The following KCNC2 variants were observed in gnomAD, a reference collection of about 807,000 sequenced individuals.
The protein encoded by KCNC2 is potassium voltage-gated channel subfamily C member 2.
KCNC2 carries 21 observed loss-of-function variants against 44.5 expected under a neutral mutation model. The observed-to-expected ratio is 0.47, with a 90% CI of 0.33 to 0.68. The LOEUF (loss-of-function observed/expected upper bound fraction) is 0.68, where lower values mean the gene tolerates loss of function less well. Ranked by LOEUF, KCNC2 falls within the 30% of genes least tolerant of loss-of-function variation. KCNC2 has a pLI of 0.01. For missense variants in KCNC2, 589 were observed against 826.2 expected (o/e 0.71, Z 3.52); for synonymous variants, 391 against 339.1 (o/e 1.15, Z -1.68).
chr12:75,148,414 C>T (rs73187109), intron 2 of KCNC2, among the ~76,000 whole-genome samples: 8,212 of 152,006 alleles, frequency 0.054, 325 homozygotes, highest in Non-Finnish European at 0.082. Context: ...ATCTAAGCAT[C>T]CTTAGGTCAG....
intron 2 of KCNC2, among the ~76,000 whole-genome samples, chr12:75,110,733 T>G (rs1417559149): frequency 6.6e-6 from 1 of 152,058 alleles, no homozygotes; most frequent in African/African-American, 2.4e-5. Flanking sequence ...TGTATTTAAT[T>G]ATAAAATACT....
intron 2 of KCNC2, among the ~76,000 whole-genome samples, chr12:75,131,326 T>C (rs1453341655): frequency 1.3e-5 from 2 of 152,164 alleles, no homozygotes; most frequent in African/African-American, 4.8e-5. Flanking sequence ...TATTTATTCC[T>C]TACACTTAGC....
At chr12:75,150,882 A>G (rs1189833596) in intron 2 of KCNC2, among the ~76,000 whole-genome samples, 3 of 151,940 alleles carry the variant, frequency 2.0e-5, no homozygotes, top group Admixed American at 1.3e-4. Context: ...TGTAAAACGT[A>G]ACCTTCAAAA....
At chr12:75,200,564 G>A (rs1003911459) in intron 2 of KCNC2, among the ~76,000 whole-genome samples, 7 of 151,462 alleles carry the variant, frequency 4.6e-5, no homozygotes, top group Non-Finnish European at 1.0e-4. Flanking sequence ...CTGAGTATGT[G>A]TCTGTATTAC....
At chr12:75,087,988 C>A (rs1197884990) in intron 2 of KCNC2, among the ~76,000 whole-genome samples, 3 of 118,304 alleles carry the variant, frequency 2.5e-5, no homozygotes, top group African/African-American at 4.6e-5. Context: ...CAATGGATAT[C>A]AGTTATGGAA....
chr12:75,198,838 G>A (rs2030997206), intron 2 of KCNC2, among the ~76,000 whole-genome samples: 2 of 151,662 alleles, frequency 1.3e-5, no homozygotes, highest in South Asian at 4.2e-4. Context: ...CCTTCTCATG[G>A]AGCACAAAAT....
chr12:75,132,004 G>C (rs1888883354), intron 2 of KCNC2, among the ~76,000 whole-genome samples: 1 of 152,132 alleles, frequency 6.6e-6, no homozygotes, highest in African/African-American at 2.4e-5. Context: ...AAAACTAATG[G>C]AGAAGCCTTG....
At chr12:75,145,354 A>G (rs925811602) in intron 2 of KCNC2, among the ~76,000 whole-genome samples, 5 of 151,860 alleles carry the variant, frequency 3.3e-5, no homozygotes, top group South Asian at 2.1e-4. Context: ...GATTTCTAAC[A>G]CTCTATGAAT....
chr12:75,181,097 G>A (rs1892541239), intron 2 of KCNC2, among the ~76,000 whole-genome samples: 5 of 151,990 alleles, frequency 3.3e-5, no homozygotes. Context: ...AGAAAAGTAA[G>A]AAGCTTGACA....
intron 2 of KCNC2, among the ~76,000 whole-genome samples, chr12:75,063,539 A>G (rs188089840): frequency 5.9e-5 from 9 of 152,184 alleles, no homozygotes; most frequent in Admixed American, 5.2e-4. Context: ...ATGTCCAGAA[A>G]TGAGAGAAGC....
chr12:75,187,083 C>T (rs1290989548), intron 2 of KCNC2, among the ~76,000 whole-genome samples: 4 of 152,092 alleles, frequency 2.6e-5, no homozygotes, highest in Admixed American at 2.0e-4. Flanking sequence ...CAGTACTTTA[C>T]CAAAGGTATT....
At position 75,050,982 on chromosome 12, in the gene KCNC2, T is replaced by C; in HGVS notation, c.1023A>G (p.Lys341=). ...CCACCCTGAGGAAGCCAAGCACATCTTTAGCAGCTTTGGATGACAGCCCAC... is the reference window on the plus strand; with the variant it reads ...CCACCCTGAGGAAGCCAAGCACATCCTTAGCAGCTTTGGATGACAGCCCAC... ...GLSGLSSKAA[K]DVLGFLRVVR... is the part of the protein sequence containing the mutation. The change falls in exon 3 of 5, where the codon AAA becomes AAG. Residue 341 remains lysine, a synonymous_variant. Transcript: ENST00000549446. The C allele has an allele frequency of 1.2e-6, 2 of 1,613,804 alleles. No individual in the cohort carries two copies. The highest frequency in any genetic ancestry group is 1.7e-6 in the Non-Finnish European group (2 of 1,179,878).
intron 2 of KCNC2, among the ~76,000 whole-genome samples, chr12:75,189,193 G>C (rs971637678): frequency 5.3e-5 from 8 of 152,136 alleles, no homozygotes; most frequent in Non-Finnish European, 1.0e-4. Flanking sequence ...TGAAGACTGG[G>C]AGCTACTTTG....
intron 3 of KCNC2, 21 bp from the exon 4 acceptor site, chr12:75,048,338 A>C: frequency 6.3e-7 from 1 of 1,587,684 alleles, no homozygotes; most frequent in Non-Finnish European, 8.6e-7. Flanking sequence ...CACCATGCCC[A>C]TTGACAGACA....
At position 75,042,555 on chromosome 12, in the gene KCNC2, C is replaced by G; in HGVS notation, c.*550G>C. On this transcript the variant is annotated 3_prime_UTR_variant, in exon 5 of 5. Transcript: ENST00000549446. ...CAACATGCAGAACAGTCGACCAATG[C>G]TTTCATATCAGCAGGATGGTTCGAT... 7.2e-7 allele frequency: 1 copy of G among 1,396,410 alleles called. No homozygotes were observed. The allele number at this position is 1,396,410 out of a possible 1,614,324, so 86.5% of individuals were successfully genotyped here.
intron 2 of KCNC2, among the ~76,000 whole-genome samples, chr12:75,074,042 G>C (rs1322556252): frequency 6.6e-6 from 1 of 151,826 alleles, no homozygotes. Context: ...CATTTTGAGA[G>C]GAAAAGTTGT....
At chr12:75,153,599 T>C (rs1343071006) in intron 2 of KCNC2, among the ~76,000 whole-genome samples, 1 of 151,736 alleles carries the variant, frequency 6.6e-6, no homozygotes, top group Non-Finnish European at 1.5e-5. Context: ...AACTGCACTT[T>C]GTATCCCCTA....
chr12:75,188,727 G>A (rs2137693433), intron 2 of KCNC2, among the ~76,000 whole-genome samples: 1 of 151,998 alleles, frequency 6.6e-6, no homozygotes, highest in East Asian at 1.9e-4. Flanking sequence ...GGGCATGGTG[G>A]TGCGTGCCTG....
chr12:75,158,736 T>A (rs1033322677), intron 2 of KCNC2, among the ~76,000 whole-genome samples: 3 of 151,870 alleles, frequency 2.0e-5, no homozygotes, highest in Non-Finnish European at 2.9e-5. Flanking sequence ...TGAAAATGGA[T>A]CTGGGTAGTT....
Sources: allele counts gnomAD v4.1 joint callset (sites outside exome capture counted in the v4.1 genomes callset), GRCh38; gene constraint gnomAD v4.1.1; transcripts MANE v1.5; gene names NCBI Gene and HGNC (gene_info 2026-07-23, HGNC 2026-07-21).